Variants in NCAM1 observed in about 807,000 individuals in gnomAD.
The protein encoded by NCAM1 is neural cell adhesion molecule 1, also known as antigen recognized by monoclonal antibody 5.1H11.
NCAM1 carries 14 observed loss-of-function variants against 109.8 expected under a neutral mutation model. That is an observed-to-expected ratio of 0.13 (90% CI 0.08 to 0.20). The LOEUF is 0.20. Ranked by LOEUF, NCAM1 falls within the 10% of genes least tolerant of loss-of-function variation. The pLI, the probability that NCAM1 is intolerant of heterozygous loss-of-function variation, is 1.00. For missense variants in NCAM1, 774 were observed against 1,109.9 expected, an observed-to-expected ratio of 0.70 and a Z score of 4.30; for synonymous variants, 418 against 442.9, an observed-to-expected ratio of 0.94 and a Z score of 0.70.
chr11:113,007,852 G>A (rs1951928671), intron 1 of NCAM1, among the ~76,000 whole-genome samples: 1 of 152,218 alleles, frequency 6.6e-6, no homozygotes, highest in African/African-American at 2.4e-5. Context: ...ATAATTCAAA[G>A]TTGGATTCTG....
Position 113,270,297 on chromosome 11 carries a change from C to A in NCAM1, c.2241C>A (p.Asn747Lys). ...VVVDITCYFL[N>K]KCGLFMCIAV... ...TGGACATCACCTGCTACTTCCTGAA[C>A]AAGTGTGGCCTGTTCATGTGCATTG... Residue 747 changes from asparagine (N) to lysine (K), a missense_variant, in exon 18 of 20, where the codon AAC (asparagine) becomes AAA (lysine). Asn to Lys is a moderately conservative substitution (Grantham distance 94). This residue lies in a region of NCAM1 where 523 missense variants were observed against 784.2 expected (regional missense o/e 0.67). Transcript: ENST00000316851. 2 of 1,614,052 alleles carry A rather than the reference C, an allele frequency of 1.2e-6. No homozygotes were observed. The highest frequency in any genetic ancestry group is 1.7e-6 in the Non-Finnish European group (2 of 1,179,910).
chr11:113,158,795 G>C (rs1942503173), intron 1 of NCAM1, among the ~76,000 whole-genome samples: 2 of 152,154 alleles, frequency 1.3e-5, no homozygotes, highest in Non-Finnish European at 1.5e-5. Context: ...AGGTGGATGA[G>C]AGCCTCTCCT....
chr11:113,251,056 C>T (rs1555121214), intron 15 of NCAM1, among the ~76,000 whole-genome samples: 2 of 152,234 alleles, frequency 1.3e-5, no homozygotes, highest in African/African-American at 4.8e-5. Context: ...CCACCTCAGC[C>T]TCCCAAAGTG....
At chr11:112,981,278 G>A (rs368309948) in intron 1 of NCAM1, among the ~76,000 whole-genome samples, 33 of 152,004 alleles carry the variant, frequency 2.2e-4, no homozygotes, top group Admixed American at 4.6e-4. Context: ...CAGAAGAAAA[G>A]TGTTTGGGTT....
intron 1 of NCAM1, 124 bp downstream of exon 1, chr11:112,961,788 T>C (rs972128959): frequency 8.9e-5 from 62 of 694,036 alleles, no homozygotes; most frequent in Non-Finnish European, 1.4e-4. Context: ...CATTTTCGTT[T>C]AGCTGTGAAA....
chr11:113,271,855 C>T lies in NCAM1; in HGVS notation c.2435C>T (p.Thr812Ile), dbSNP rs1555125462. 3 of 1,570,248 alleles carry T rather than the reference C, an allele frequency of 1.9e-6. No homozygotes were observed. The Admixed American group carries it at 5.6e-5, about 29-fold the overall frequency. Residue 812 changes from threonine (T) to isoleucine (I), a missense_variant, in exon 19 of 20, where the codon ACC becomes ATC. Around this residue, in one of 4 missense-constraint regions of NCAM1, gnomAD observed 122 missense variants for 129.7 expected, o/e 0.94. Coordinates refer to ENST00000316851, the MANE Select transcript of NCAM1 (RefSeq NM_181351.5). The stretch of plus-strand genomic sequence containing the variant: ...GGGAAACACACAGAGCCCAACGAGA[C>T]CACGCCACTGACGGAGCCCGAGTAC... Reference protein sequence around the residue: ...DGGKHTEPNETTPLTEPEKGP... With the variant: ...DGGKHTEPNEITPLTEPEKGP...
At chr11:113,206,553 A>T (rs1944244590) in intron 5 of NCAM1, among the ~76,000 whole-genome samples, 1 of 152,218 alleles carries the variant, frequency 6.6e-6, no homozygotes, top group Non-Finnish European at 1.5e-5. Context: ...CTCAGGCCTC[A>T]GAATAGTCAG....
chr11:113,072,618 G>A (rs1357395586), intron 1 of NCAM1, among the ~76,000 whole-genome samples: 1 of 152,082 alleles, frequency 6.6e-6, no homozygotes, highest in Non-Finnish European at 1.5e-5. Flanking sequence ...ACCTCATCTG[G>A]TGCACATTTA....
chr11:113,179,646 C>T (rs149902871), intron 1 of NCAM1, among the ~76,000 whole-genome samples: 179 of 152,292 alleles, frequency 1.2e-3, no homozygotes, highest in African/African-American at 3.8e-3. Flanking sequence ...TTTCTATCAA[C>T]GCTTGGGTCA....
Position 113,232,834 on chromosome 11 carries a change from C to T in NCAM1, c.1522+20C>T, listed in dbSNP as rs371902454. 1.3e-6 allele frequency: 2 copies of T among 1,588,780 alleles called. No homozygotes were observed. The highest frequency in any genetic ancestry group is 1.1e-5 in the South Asian group (1 of 90,576). On this transcript the variant is annotated intron_variant, in intron 12 of 19. Transcript: ENST00000316851. ...AAGCAGGTGAGTGTCCCTTACTCAC[C>T]TGAGAGCAGCTGCCACAACCCCCCA...
At chr11:112,984,013 A>G (rs1333355609) in intron 1 of NCAM1, among the ~76,000 whole-genome samples, 1 of 151,864 alleles carries the variant, frequency 6.6e-6, no homozygotes, top group Admixed American at 6.6e-5. Context: ...TTCATCCTCC[A>G]TAATTGCAAC....
At chr11:113,185,079 T>TATATATATATATATATAGAGAG in intron 1 of NCAM1, among the ~76,000 whole-genome samples, 271 of 125,630 alleles carry the variant, frequency 2.2e-3, no homozygotes, top group East Asian at 4.9e-3. Flanking sequence ...TATATATATA[T>TATATATATATATATATAGAGAG]AGAGAGAGAG....
intron 1 of NCAM1, among the ~76,000 whole-genome samples, chr11:113,056,147 G>A (rs1555082552): frequency 6.6e-6 from 1 of 150,764 alleles, no homozygotes; most frequent in African/African-American, 2.4e-5. Flanking sequence ...AGTGAAATAA[G>A]CCAGGCACAG....
chr11:113,077,229 G>A (rs543681991), intron 1 of NCAM1, among the ~76,000 whole-genome samples: 6 of 152,284 alleles, frequency 3.9e-5, no homozygotes, highest in Admixed American at 3.9e-4. Context: ...GACTGATGGA[G>A]ATATATAGAG....
intron 1 of NCAM1, among the ~76,000 whole-genome samples, chr11:113,036,143 C>T (rs1952875766): frequency 6.6e-6 from 1 of 152,062 alleles, no homozygotes; most frequent in Non-Finnish European, 1.5e-5. Context: ...ACTCCCCAAG[C>T]CCCCAGCCCT....
intron 1 of NCAM1, among the ~76,000 whole-genome samples, chr11:112,969,547 C>T (rs1555066409): frequency 6.6e-6 from 1 of 152,012 alleles, no homozygotes; most frequent in Admixed American, 6.6e-5. Flanking sequence ...TGCCATTCTG[C>T]AAGTTGCTGT....
rs569823209 is a variant in NCAM1, at chr11:113,200,879, C to T, written c.53-1500C>T. ...CAGGCAAGAATTCAGTCCTGAGCCTCAGGGAGCCGGCAGTGGTGGTCTGAG... is the reference window on the plus strand; with the variant it reads ...CAGGCAAGAATTCAGTCCTGAGCCTTAGGGAGCCGGCAGTGGTGGTCTGAG... On this transcript the variant is annotated intron_variant, in intron 1 of 19. Transcript: ENST00000316851. 4.6e-5 allele frequency among the ~76,000 whole-genome samples: 7 copies of T among 152,284 alleles called. No individual in the cohort carries two copies. The South Asian group carries it at 8.3e-4, about 18-fold the overall frequency.
rs575112998 is a variant in NCAM1 at position 112,993,566 on chromosome 11, C to T, written c.52+31902C>T. Among the ~76,000 whole-genome samples, 7 of 152,262 alleles carry T rather than the reference C, an allele frequency of 4.6e-5. No individual in the cohort carries two copies. In the East Asian group the frequency reaches 1.4e-3, roughly 29 times the overall value. On this transcript the variant is annotated intron_variant, in intron 1 of 19. Coordinates refer to ENST00000316851, the MANE Select transcript of NCAM1 (RefSeq NM_181351.5). Reference sequence around the variant, plus strand: ...TGTGAGATGAGGATTAATAGCATCCCTGTACTCCCTTCAGCTCTCCTTTTT... The same window carrying T: ...TGTGAGATGAGGATTAATAGCATCCTTGTACTCCCTTCAGCTCTCCTTTTT...
chr11:113,131,951 C>T (rs2136124989), intron 1 of NCAM1, among the ~76,000 whole-genome samples: 1 of 152,322 alleles, frequency 6.6e-6, no homozygotes, highest in South Asian at 2.1e-4. Context: ...TAACCAGGAA[C>T]TTGAAGTCCG....
Sources: allele counts gnomAD v4.1 joint callset (sites outside exome capture counted in the v4.1 genomes callset), GRCh38; gene constraint gnomAD v4.1.1; regional missense constraint gnomAD v4.1.1; transcripts MANE v1.5; gene names NCBI Gene and HGNC (gene_info 2026-07-23, HGNC 2026-07-21).